The following DBT variants were observed in gnomAD, a reference collection of about 807,000 sequenced individuals.
The protein encoded by DBT is lipoamide acyltransferase component of branched-chain alpha-keto acid dehydrogenase complex, mitochondrial.
A neutral mutation model predicts 51.3 loss-of-function variants in DBT; 40 were observed. That is an observed-to-expected ratio of 0.78 (90% confidence interval 0.61 to 1.02). The LOEUF (loss-of-function observed/expected upper bound fraction) is 1.02. DBT is among the 50% of genes least tolerant of loss of function. DBT has a pLI of 0.00. For synonymous variants in DBT, 181 were observed against 190.4 expected (o/e 0.95, Z 0.41); for missense variants, 510 against 580.2 (o/e 0.88, Z 1.24).
chr1:100,210,863 A>C, intron 7 of DBT, 92 bp from the exon 8 acceptor site: 2 of 1,581,086 alleles, frequency 1.3e-6, no homozygotes, highest in Non-Finnish European at 1.7e-6. Context: ...GGAGGGAGAG[A>C]GAGAACTCTT....
intron 4 of DBT, among the ~76,000 whole-genome samples, chr1:100,228,634 C>T (rs973671673): frequency 3.9e-5 from 6 of 152,120 alleles, no homozygotes; most frequent in African/African-American, 1.4e-4. Context: ...GTGGTGCACA[C>T]CTGTAGTCCC....
chr1:100,219,769 C>T (rs1046074026), intron 4 of DBT, among the ~76,000 whole-genome samples: 25 of 152,190 alleles, frequency 1.6e-4, no homozygotes, highest in South Asian at 8.3e-4. Context: ...GCACAAGAAT[C>T]ATATAAAATC....
At chr1:100,214,709 G>C in intron 7 of DBT, 108 bp downstream of exon 7, 1 of 1,098,016 alleles carries the variant, frequency 9.1e-7, no homozygotes, top group Non-Finnish European at 1.4e-6. Context: ...AGCCGAGATT[G>C]TGCCATTGCA....
intron 4 of DBT, among the ~76,000 whole-genome samples, chr1:100,221,364 T>G (rs1478131021): frequency 2.0e-5 from 3 of 152,228 alleles, no homozygotes; most frequent in Non-Finnish European, 4.4e-5. Flanking sequence ...TTTCTTTTTT[T>G]AATACAGACA....
chr1:100,210,343 G>T (rs61812622), intron 8 of DBT, among the ~76,000 whole-genome samples: 107,073 of 146,024 alleles, frequency 0.73, 40,922 homozygotes, highest in East Asian at 0.91. Flanking sequence ...AGAAGAAGAA[G>T]AAGAATAAGA....
intron 4 of DBT, among the ~76,000 whole-genome samples, chr1:100,227,836 TTTTTGTTTGTTTTTTC>T (rs1417059245): frequency 6.6e-6 from 1 of 152,000 alleles, no homozygotes; most frequent in Non-Finnish European, 1.5e-5. Flanking sequence ...TAATTTTAAT[TTTTTGTTTGTTTTTTC>T]TTTTGTTTGT....
At chr1:100,226,373 T>A (rs1194397016) in intron 4 of DBT, among the ~76,000 whole-genome samples, 2 of 145,622 alleles carry the variant, frequency 1.4e-5, no homozygotes, top group Non-Finnish European at 3.0e-5. Flanking sequence ...AGCCTCTACC[T>A]CCTGGGCTCA....
chr1:100,223,209 C>A (rs375173950), intron 4 of DBT, among the ~76,000 whole-genome samples: 1 of 151,708 alleles, frequency 6.6e-6, no homozygotes, highest in Non-Finnish European at 1.5e-5. Flanking sequence ...TGATTTCTCT[C>A]AAAAAAAAGT....
chr1:100,233,724 C>T (rs1031050075), intron 3 of DBT, among the ~76,000 whole-genome samples: 16 of 152,226 alleles, frequency 1.1e-4, no homozygotes, highest in African/African-American at 3.9e-4. Flanking sequence ...CAACCTACTG[C>T]TGTGTCCAAT....
intron 4 of DBT, among the ~76,000 whole-genome samples, chr1:100,228,850 T>A (rs1663363968): frequency 6.6e-6 from 1 of 152,186 alleles, no homozygotes. Flanking sequence ...TACAATATAT[T>A]ATTTTGGTTA....
chr1:100,209,043 G>A (rs1353826526), intron 8 of DBT, among the ~76,000 whole-genome samples: 3 of 151,418 alleles, frequency 2.0e-5, no homozygotes, highest in African/African-American at 7.3e-5. Context: ...GCTATCTTAG[G>A]GTCATGGAAT....
At chr1:100,225,056 C>A (rs12731147) in intron 4 of DBT, among the ~76,000 whole-genome samples, 2 of 86,356 alleles carry the variant, frequency 2.3e-5, no homozygotes, top group African/African-American at 5.0e-5. Context: ...TATATATACA[C>A]ACACACACAC....
chr1:100,216,558 C>T (rs1181377773), intron 5 of DBT, among the ~76,000 whole-genome samples: 4 of 152,146 alleles, frequency 2.6e-5, no homozygotes, highest in Non-Finnish European at 4.4e-5. Flanking sequence ...GAATTACAGG[C>T]GTGAGCCACT....
intron 4 of DBT, among the ~76,000 whole-genome samples, chr1:100,222,533 T>G (rs1019044381): frequency 1.3e-5 from 2 of 152,164 alleles, no homozygotes; most frequent in Non-Finnish European, 2.9e-5. Context: ...CTCCACCACT[T>G]AGTAGCTATG....
chr1:100,210,907 A>T, intron 7 of DBT, 136 bp from the exon 8 acceptor site: 1 of 1,532,500 alleles, frequency 6.5e-7, no homozygotes, highest in South Asian at 1.2e-5. Flanking sequence ...GTCTACATGT[A>T]CCTAGTCACA....
In DBT at chr1:100,196,378, C is replaced by G; in HGVS notation, c.1326G>C (p.Gln442His). Residue 442 changes from glutamine to histidine, a missense_variant, in exon 11 of 11, where the codon CAG (glutamine) becomes CAC (histidine). By Grantham distance (24) the Gln-to-His change is conservative. Transcript: ENST00000370132. The part of the protein sequence containing the change: ...FNQKGEVYKA[Q>H]IMNVSWSADH... ...CAGCTGACCAGCTCACATTCATTAT[C>G]TGTGCCTTATATACTTCTCCTTTCT... 1 of 1,522,768 alleles carries G rather than the reference C, an allele frequency of 6.6e-7. No homozygotes were observed. Among genetic ancestry groups the G allele is most frequent in the Non-Finnish European group, 8.8e-7 (1 of 1,132,942 alleles). The allele number at this position is 1,522,768 out of a possible 1,614,324, so 94.3% of individuals were successfully genotyped here. A position where few individuals can be genotyped will look rare whatever the true frequency, so the allele number is the denominator to read the frequency against.
intron 5 of DBT, among the ~76,000 whole-genome samples, chr1:100,217,160 G>A (rs1440274296): frequency 6.6e-6 from 1 of 151,994 alleles, no homozygotes; most frequent in Non-Finnish European, 1.5e-5. Context: ...TTAATTTTTA[G>A]TAATCATACA....
intron 4 of DBT, among the ~76,000 whole-genome samples, chr1:100,226,883 A>G (rs1346411713): frequency 6.6e-6 from 1 of 152,234 alleles, no homozygotes; most frequent in African/African-American, 2.4e-5. Flanking sequence ...GATTGTAATT[A>G]ATTAAACACA....
chr1:100,234,587 A>T (rs4243806), intron 3 of DBT, among the ~76,000 whole-genome samples: 114,414 of 152,094 alleles, frequency 0.75, 45,568 homozygotes, highest in East Asian at 0.95. Context: ...GATCCTTTCA[A>T]CACTCCAGAG....
Sources: gnomAD v4.1 joint callset for allele counts (sites outside exome capture counted in the v4.1 genomes callset) on GRCh38, gnomAD v4.1.1 for gene constraint, MANE v1.5 for transcripts, NCBI Gene and HGNC (gene_info 2026-07-23, HGNC 2026-07-21) for gene names.